Variants in PTPRM observed in about 807,000 individuals in gnomAD.
The protein encoded by PTPRM is receptor-type tyrosine-protein phosphatase mu.
In PTPRM, 47 loss-of-function variants were observed where a neutral mutation model predicts 186.7. That is an observed-to-expected ratio of 0.25 (90% CI 0.20 to 0.32). The LOEUF is 0.32. Ranked by LOEUF, PTPRM falls within the 10% of genes least tolerant of loss-of-function variation. The pLI is 1.00. For missense variants in PTPRM, 1,494 were observed against 1,865.0 expected, an observed-to-expected ratio of 0.80 and a Z score of 3.66; for synonymous variants, 668 against 674.9, an observed-to-expected ratio of 0.99 and a Z score of 0.16.
At chr18:7,934,250 T>C (rs931597981) in intron 5 of PTPRM, among the ~76,000 whole-genome samples, 2 of 152,200 alleles carry the variant, frequency 1.3e-5, no homozygotes, top group African/African-American at 4.8e-5. Flanking sequence ...TTGAGGAGTT[T>C]AATTTTCTTA....
intron 7 of PTPRM, among the ~76,000 whole-genome samples, chr18:8,048,714 C>G (rs2087247818): frequency 6.6e-6 from 1 of 152,072 alleles, no homozygotes; most frequent in Admixed American, 6.5e-5. Context: ...AAATAGAAAA[C>G]TATCTAATCA....
intron 14 of PTPRM, among the ~76,000 whole-genome samples, chr18:8,238,247 A>G (rs1253016869): frequency 6.6e-6 from 1 of 152,072 alleles, no homozygotes; most frequent in Non-Finnish European, 1.5e-5. Flanking sequence ...CACCTTTTGT[A>G]GTTGCCCCAT....
At chr18:7,706,112 C>T (rs985977463) in intron 1 of PTPRM, among the ~76,000 whole-genome samples, 1 of 151,152 alleles carries the variant, frequency 6.6e-6, no homozygotes, top group South Asian at 2.1e-4. Context: ...TTTTGATTCT[C>T]TATTCTTAAA....
At chr18:7,655,294 T>C (rs2038821014) in intron 1 of PTPRM, among the ~76,000 whole-genome samples, 1 of 152,170 alleles carries the variant, frequency 6.6e-6, no homozygotes, top group South Asian at 2.1e-4. Context: ...TGGGCTTAAG[T>C]GATGGTCCTC....
At chr18:7,907,658 G>A (rs1313283177) in intron 4 of PTPRM, among the ~76,000 whole-genome samples, 3 of 152,182 alleles carry the variant, frequency 2.0e-5, no homozygotes, top group African/African-American at 4.8e-5. Context: ...GTGTCACTAG[G>A]AAAGTGAGTT....
chr18:7,710,540 A>T (rs1406268741), intron 1 of PTPRM, among the ~76,000 whole-genome samples: 1 of 152,184 alleles, frequency 6.6e-6, no homozygotes, highest in African/African-American at 2.4e-5. Flanking sequence ...TGGAAGTCCT[A>T]GCCAGAGCAG....
intron 6 of PTPRM, 65 bp downstream of exon 6, chr18:7,949,420 A>C: frequency 7.2e-7 from 1 of 1,392,600 alleles, no homozygotes; most frequent in Non-Finnish European, 9.8e-7. Flanking sequence ...TTGTTAGTTC[A>C]TTATCCCTTT....
chr18:7,734,624 G>A (rs2040728978), intron 1 of PTPRM, among the ~76,000 whole-genome samples: 1 of 152,150 alleles, frequency 6.6e-6, no homozygotes, highest in African/African-American at 2.4e-5. Context: ...ACTGACTACA[G>A]ATCTATTACC....
intron 3 of PTPRM, among the ~76,000 whole-genome samples, chr18:7,896,308 G>A (rs969667834): frequency 6.6e-5 from 10 of 152,036 alleles, no homozygotes; most frequent in African/African-American, 1.4e-4. Context: ...CTGCACCCCC[G>A]CCTCCTGTTT....
intron 29 of PTPRM, among the ~76,000 whole-genome samples, chr18:8,384,172 A>G (rs2095756635): frequency 1.3e-5 from 2 of 152,346 alleles, no homozygotes; most frequent in African/African-American, 4.8e-5. Context: ...TTCCTGAATG[A>G]TGTCTCCAAA....
intron 1 of PTPRM, among the ~76,000 whole-genome samples, chr18:7,640,169 ATAT>A (rs2038412263): frequency 6.6e-6 from 1 of 152,186 alleles, no homozygotes; most frequent in African/African-American, 2.4e-5. Context: ...TGTTAATAAA[ATAT>A]TATATAATTT....
chr18:8,048,920 T>G (rs2087266170), intron 7 of PTPRM, among the ~76,000 whole-genome samples: 1 of 152,228 alleles, frequency 6.6e-6, no homozygotes, highest in African/African-American at 2.4e-5. Flanking sequence ...TCTTTTGCCC[T>G]GGGTAAAATA....
chr18:8,211,570 T>A (rs112514564), intron 14 of PTPRM, among the ~76,000 whole-genome samples: 2 of 150,936 alleles, frequency 1.3e-5, no homozygotes, highest in African/African-American at 4.9e-5. Context: ...CCCCTGGCTA[T>A]TTTTTTCTAT....
intron 7 of PTPRM, among the ~76,000 whole-genome samples, chr18:8,009,785 G>A (rs1439732534): frequency 1.3e-5 from 2 of 152,096 alleles, no homozygotes; most frequent in Admixed American, 6.5e-5. Flanking sequence ...AAATGTGTCA[G>A]TTGGACTAAA....
intron 2 of PTPRM, among the ~76,000 whole-genome samples, chr18:7,801,783 C>T (rs1365537495): frequency 2.6e-5 from 4 of 152,112 alleles, no homozygotes; most frequent in Non-Finnish European, 5.9e-5. Flanking sequence ...TTTCAGCTCC[C>T]TTAAAGTCTT....
intron 8 of PTPRM, among the ~76,000 whole-genome samples, chr18:8,073,598 G>T (rs916099791): frequency 2.0e-5 from 3 of 152,056 alleles, no homozygotes; most frequent in Admixed American, 6.6e-5. Flanking sequence ...TGCTATTTAG[G>T]GTTTCAATGT....
chr18:8,197,091 T>A (rs1036465578), intron 14 of PTPRM, among the ~76,000 whole-genome samples: 4 of 152,250 alleles, frequency 2.6e-5, no homozygotes, highest in African/African-American at 9.6e-5. Flanking sequence ...ATTAGAGTAG[T>A]TTATGCCCAT....
chr18:7,636,113 C>T (rs2038306597), intron 1 of PTPRM, among the ~76,000 whole-genome samples: 2 of 152,044 alleles, frequency 1.3e-5, no homozygotes, highest in African/African-American at 4.8e-5. Flanking sequence ...TGCTTGGGTG[C>T]TTCACATGGA....
chr18:8,200,320 G>T (rs572514168), intron 14 of PTPRM, among the ~76,000 whole-genome samples: 5 of 152,092 alleles, frequency 3.3e-5, no homozygotes, highest in Admixed American at 6.6e-5. Context: ...GAGGGAGCTG[G>T]GATGTGACTC....
Sources: gnomAD v4.1 joint callset for allele counts (sites outside exome capture counted in the v4.1 genomes callset) on GRCh38, gnomAD v4.1.1 for gene constraint, MANE v1.5 for transcripts, NCBI Gene and HGNC (gene_info 2026-07-23, HGNC 2026-07-21) for gene names.